The following MED27 variants were observed in gnomAD, a reference collection of about 807,000 sequenced individuals.
MED27 encodes mediator complex subunit 27.
MED27 carries 30 observed loss-of-function variants against 38.2 expected under a neutral mutation model. That is an observed-to-expected ratio of 0.79 (90% CI 0.59 to 1.07). The LOEUF (loss-of-function observed/expected upper bound fraction) is 1.07, where lower values mean the gene tolerates loss of function less well. Among genes scored for constraint, MED27 ranks in the 50% least tolerant of loss-of-function variants. The pLI, the probability that MED27 is intolerant of heterozygous loss-of-function variation, is 0.00. For synonymous variants in MED27, 122 were observed against 153.5 expected (o/e 0.79, Z 1.52); for missense variants, 289 against 397.5 (o/e 0.73, Z 2.32).
chr9:131,877,049 G>A (rs1194448183), intron 6 of MED27, among the ~76,000 whole-genome samples: 1 of 152,198 alleles, frequency 6.6e-6, no homozygotes, highest in Non-Finnish European at 1.5e-5. Context: ...AGACAGAAGG[G>A]CCTTCAACGA....
At chr9:132,049,852 T>A (rs1033642185) in intron 2 of MED27, among the ~76,000 whole-genome samples, 4 of 152,052 alleles carry the variant, frequency 2.6e-5, no homozygotes, top group Non-Finnish European at 4.4e-5. Flanking sequence ...CAAAGAGAAA[T>A]GGGGGAAATC....
At position 132,051,084 on chromosome 9, in the gene MED27, A is replaced by G. The variant is rs1171358191; in HGVS notation, c.348+26358T>C. On this transcript the variant is annotated intron_variant, in intron 2 of 7. Coordinates refer to ENST00000292035, the MANE Select transcript of MED27 (RefSeq NM_004269.4). This position sits in a 1 kb window ranked among gnomAD's most constrained non-coding sequence, Gnocchi z 4.2. ...CTGCAGCGAATGTTCTAATGGATCC[A>G]TCCTTTTTCAAATGAAGTGTCAAGA... 6.6e-6 allele frequency among the ~76,000 whole-genome samples: 1 copy of G among 152,220 alleles called. No homozygotes were observed. The highest frequency in any genetic ancestry group is 2.4e-5 in the African/African-American group (1 of 41,460).
chr9:131,921,664 C>G (rs552902303), intron 4 of MED27, among the ~76,000 whole-genome samples: 33 of 152,288 alleles, frequency 2.2e-4, no homozygotes, highest in African/African-American at 7.9e-4. Flanking sequence ...ACCCAGCCAT[C>G]CCATTACTGG....
intron 3 of MED27, among the ~76,000 whole-genome samples, chr9:131,965,790 C>CTGT (rs1831326392): frequency 6.6e-6 from 1 of 152,154 alleles, no homozygotes; most frequent in Non-Finnish European, 1.5e-5. Context: ...AGACCCTAGG[C>CTGT]TGTTCCCCTT....
chr9:131,940,142 T>C (rs1830760609), intron 3 of MED27, among the ~76,000 whole-genome samples: 1 of 151,232 alleles, frequency 6.6e-6, no homozygotes, highest in Admixed American at 6.6e-5. Context: ...CCTGACCTCA[T>C]GATCTGCCCG....
In MED27 at chr9:131,861,767, CTTTTTTTTTT is replaced by C. The variant is rs66880335; in HGVS notation, c.802-1105_802-1096del. On this transcript the variant is annotated intron_variant, in intron 7 of 7. Coordinates refer to ENST00000292035, the MANE Select transcript of MED27 (RefSeq NM_004269.4). This position sits in a 1 kb window ranked among gnomAD's most constrained non-coding sequence, Gnocchi z 4.4. ...AGTGCTGTGACAGATGTAAATGGTT[CTTTTTTTTTT>C]TTTTTTTTTTTATGAGACCACATCT... Among the ~76,000 whole-genome samples the C allele has an allele frequency of 9.4e-4, 136 of 145,232 alleles. No individual in the cohort carries two copies. The highest frequency in any genetic ancestry group is 3.4e-3 in the African/African-American group (131 of 38,154).
intron 3 of MED27, among the ~76,000 whole-genome samples, chr9:131,955,582 C>A (rs1242047331): frequency 6.6e-6 from 1 of 152,198 alleles, no homozygotes; most frequent in Non-Finnish European, 1.5e-5. Flanking sequence ...AGACATCGCT[C>A]AGATTCTAGA....
intron 3 of MED27, among the ~76,000 whole-genome samples, chr9:131,998,665 T>C (rs1474070923): frequency 6.6e-6 from 1 of 152,112 alleles, no homozygotes; most frequent in Non-Finnish European, 1.5e-5. Context: ...AAGTGCTCCT[T>C]TGTTTAAAAT....
In MED27 at chr9:131,903,784, G is replaced by A. The variant is rs146093405; in HGVS notation, c.574-9792C>T. 5.6e-3 allele frequency among the ~76,000 whole-genome samples: 849 copies of A among 152,178 alleles called. 4 individuals are homozygous for A. The highest frequency in any genetic ancestry group is 0.019 in the African/African-American group (798 of 41,514). On this transcript the variant is annotated intron_variant, in intron 4 of 7. Coordinates refer to ENST00000292035, the MANE Select transcript of MED27 (RefSeq NM_004269.4). ...ACTCTGTTGCCCAGGTTGGAGTGCA[G>A]TAGCATGATCTCAGCTCACTGCAAC...
rs533034123 is a variant in MED27 at position 131,921,485 on chromosome 9, G to A, written c.573+17896C>T. Among the ~76,000 whole-genome samples, 420 of 151,990 alleles carry A rather than the reference G, an allele frequency of 2.8e-3. 5 individuals are homozygous for A. The highest frequency in any genetic ancestry group is 9.6e-3 in the African/African-American group (396 of 41,454). Reference sequence around the variant, plus strand: ...CAAAACCACAATGAGATACCATCTCGCACCAGTTAAAATGGCGATAATTAA... The same window carrying A: ...CAAAACCACAATGAGATACCATCTCACACCAGTTAAAATGGCGATAATTAA... On this transcript the variant is annotated intron_variant, in intron 4 of 7. Coordinates refer to ENST00000292035, the MANE Select transcript of MED27 (RefSeq NM_004269.4).
At chr9:131,938,078 C>A (rs1395483730) in intron 4 of MED27, among the ~76,000 whole-genome samples, 1 of 152,042 alleles carries the variant, frequency 6.6e-6, no homozygotes, top group Non-Finnish European at 1.5e-5. Context: ...TAATTTGTTT[C>A]CCCCACAAAC....
At chr9:132,048,876 T>TA (rs1833402940) in intron 2 of MED27, among the ~76,000 whole-genome samples, 1 of 152,148 alleles carries the variant, frequency 6.6e-6, no homozygotes, top group Non-Finnish European at 1.5e-5. Flanking sequence ...ATTTTCAGGA[T>TA]AAAAAATGCA....
intron 3 of MED27, among the ~76,000 whole-genome samples, chr9:131,999,877 C>G (rs945873145): frequency 6.6e-6 from 1 of 152,032 alleles, no homozygotes; most frequent in Non-Finnish European, 1.5e-5. Context: ...AGTGTTTGGA[C>G]TTGTTGGTGT....
intron 5 of MED27, 118 bp downstream of exon 5, chr9:131,893,767 T>G: frequency 1.4e-6 from 1 of 699,132 alleles, no homozygotes; most frequent in African/African-American, 1.8e-5. Flanking sequence ...GACAAATCTA[T>G]GTTTGCTGAT....
rs66519112 is a variant in MED27, at chr9:131,986,999, A to ATTTTTTTTTTT, written c.479+27327_479+27337dup. Among the ~76,000 whole-genome samples, 6 of 46,254 alleles carry ATTTTTTTTTTT rather than the reference A, an allele frequency of 1.3e-4. 1 individual carries two copies. Among genetic ancestry groups the ATTTTTTTTTTT allele is most frequent in the Non-Finnish European group, 1.9e-4 (5 of 26,934 alleles). The allele number at this position is 46,254 out of a possible 152,430, so 30.3% of individuals were successfully genotyped here. ...CATGGGCCTTTCCTTGAGTTCATGG[A>ATTTTTTTTTTT]TTTTTTTTTTTTTTTTTTTTTTTTT... On this transcript the variant is annotated intron_variant, in intron 3 of 7. Coordinates refer to ENST00000292035, the MANE Select transcript of MED27 (RefSeq NM_004269.4).
chr9:132,002,687 G>T (rs182187914), intron 3 of MED27, among the ~76,000 whole-genome samples: 1,570 of 152,152 alleles, frequency 0.01, 44 homozygotes, highest in Admixed American at 0.058. Context: ...TGAGGCAAGC[G>T]GATCACTTGA....
At chr9:132,008,373 A>G (rs2131067817) in intron 3 of MED27, among the ~76,000 whole-genome samples, 1 of 152,372 alleles carries the variant, frequency 6.6e-6, no homozygotes, top group African/African-American at 2.4e-5. Context: ...GCAACAGTGG[A>G]CACAGCCTCT....
Position 132,051,417 on chromosome 9 carries a change from G to A in MED27, c.348+26025C>T, listed in dbSNP as rs917635439. The stretch of plus-strand genomic sequence containing the variant: ...GCTTGTCTTGGCCACAGAGTCCAAG[G>A]CTCCCTGTCTCAGAGGCTCTACGTT... On this transcript the variant is annotated intron_variant, in intron 2 of 7. Coordinates refer to ENST00000292035, the MANE Select transcript of MED27 (RefSeq NM_004269.4). This position sits in a 1 kb window ranked among gnomAD's most constrained non-coding sequence, Gnocchi z 4.2. 6.6e-6 allele frequency among the ~76,000 whole-genome samples: 1 copy of A among 152,198 alleles called. No homozygotes were observed. Among genetic ancestry groups the A allele is most frequent in the Non-Finnish European group, 1.5e-5 (1 of 68,030 alleles).
intron 3 of MED27, among the ~76,000 whole-genome samples, chr9:131,980,423 T>C (rs1480590692): frequency 6.6e-6 from 1 of 152,208 alleles, no homozygotes; most frequent in Admixed American, 6.5e-5. Context: ...TGAGAGATTC[T>C]AGTATTCGCG....
Sources: allele counts gnomAD v4.1 joint callset (sites outside exome capture counted in the v4.1 genomes callset), GRCh38; gene constraint gnomAD v4.1.1; non-coding constraint Gnocchi (gnomAD v3.1); transcripts MANE v1.5; gene names NCBI Gene and HGNC (gene_info 2026-07-23, HGNC 2026-07-21).